The following FRY variants were observed in gnomAD, a reference collection of about 807,000 sequenced individuals.
The protein encoded by FRY is FRY microtubule binding protein, also known as protein furry homolog.
In FRY, 128 loss-of-function variants were observed where a neutral mutation model predicts 348.4. That is an observed-to-expected ratio of 0.37 (90% CI 0.32 to 0.43). FRY has a LOEUF of 0.43. Ranked by LOEUF, FRY falls within the 20% of genes least tolerant of loss-of-function variation. FRY has a pLI of 1.00. For synonymous variants in FRY, 1,370 were observed against 1,374.7 expected (o/e 1.00, Z 0.08); for missense variants, 2,736 against 3,695.2 (o/e 0.74, Z 6.73).
At chr13:32,124,925 G>A in intron 7 of FRY, 50 bp downstream of exon 7, 1 of 1,320,922 alleles carries the variant, frequency 7.6e-7, no homozygotes, top group Non-Finnish European at 1.1e-6. Flanking sequence ...TGCTTTCACT[G>A]TCCTTCCAGC....
chr13:32,271,929 G>A (rs1888224053), intron 55 of FRY, among the ~76,000 whole-genome samples: 1 of 151,910 alleles, frequency 6.6e-6, no homozygotes, highest in Non-Finnish European at 1.5e-5. Context: ...GGCCCTGGGG[G>A]GACTCATTTG....
intron 24 of FRY, 75 bp from the exon 25 acceptor site, chr13:32,184,525 T>A: frequency 1.1e-6 from 1 of 884,632 alleles, no homozygotes; most frequent in Non-Finnish European, 1.9e-6. Flanking sequence ...ATGCCTTTTG[T>A]TAATACCATT....
chr13:32,189,574 G>A (rs1883212302), intron 28 of FRY, among the ~76,000 whole-genome samples: 1 of 151,824 alleles, frequency 6.6e-6, no homozygotes. Context: ...ACCAAAAGTT[G>A]AATTTGTTAC....
intron 1 of FRY, among the ~76,000 whole-genome samples, chr13:32,034,982 T>G (rs1441650802): frequency 6.6e-6 from 1 of 152,374 alleles, no homozygotes; most frequent in African/African-American, 2.4e-5. Flanking sequence ...AGTTAAGTAA[T>G]CACTCTCAGT....
chr13:32,237,235 A>T lies in FRY; in HGVS notation c.5811-144A>T. Reference sequence around the variant, plus strand: ...CTCTTGTTTTGTTTTTTATAGCTTTAAAGATAAGGAAAAATAAATGAATAG... The same window carrying T: ...CTCTTGTTTTGTTTTTTATAGCTTTTAAGATAAGGAAAAATAAATGAATAG... On this transcript the variant is annotated intron_variant, in intron 43 of 60. Coordinates refer to ENST00000542859, the MANE Select transcript of FRY (RefSeq NM_023037.3). This position sits in a 1 kb window ranked among gnomAD's most constrained non-coding sequence, Gnocchi z 6.3. The T allele has an allele frequency of 2.4e-6, 2 of 837,294 alleles. No individual in the cohort carries two copies. The highest frequency in any genetic ancestry group is 3.8e-6 in the Non-Finnish European group (2 of 532,180). The allele number at this position is 837,294 out of a possible 1,614,324, so 51.9% of individuals were successfully genotyped here.
intron 59 of FRY, 27 bp from the exon 60 acceptor site, chr13:32,294,341 G>GT: frequency 6.4e-7 from 1 of 1,554,118 alleles, no homozygotes; most frequent in Non-Finnish European, 8.9e-7. Context: ...CCTAAATATA[G>GT]TTTAAAAAAC....
At chr13:32,204,998 T>C (rs1422124995) in intron 31 of FRY, among the ~76,000 whole-genome samples, 1 of 151,688 alleles carries the variant, frequency 6.6e-6, no homozygotes, top group South Asian at 2.1e-4. Flanking sequence ...AGGCCAGGAG[T>C]TCGAGACCAG....
At position 32,203,750 on chromosome 13, in the gene FRY, T is replaced by G. The variant is rs572863940; in HGVS notation, c.4018+1223T>G. On this transcript the variant is annotated intron_variant, in intron 31 of 60. Coordinates refer to ENST00000542859, the MANE Select transcript of FRY (RefSeq NM_023037.3). ...AAAAAAAATGCATTTGTCACCTAAC[T>G]TCTTGCCTAAGCTTACGTAGCACTT... is the stretch of plus-strand genomic sequence containing the variant. 5.9e-5 allele frequency among the ~76,000 whole-genome samples: 9 copies of G among 152,168 alleles called. No individual in the cohort carries two copies. The South Asian group carries it at 1.9e-3, about 32-fold the overall frequency.
chr13:32,285,700 C>T (rs971679932), intron 58 of FRY, among the ~76,000 whole-genome samples: 1 of 152,228 alleles, frequency 6.6e-6, no homozygotes, highest in Non-Finnish European at 1.5e-5. Context: ...TCATTTCACA[C>T]TTCTGAAAAG....
In FRY at chr13:32,135,174, G is replaced by A; in HGVS notation, c.1068G>A (p.Lys356=). 2 of 1,596,274 alleles carry A rather than the reference G, an allele frequency of 1.3e-6. No homozygotes were observed. The highest frequency in any genetic ancestry group is 1.7e-6 in the Non-Finnish European group (2 of 1,163,752). The change falls in exon 10 of 61, where the codon AAG becomes AAA. Residue 356 remains lysine (K), a synonymous_variant. Transcript: ENST00000542859. ...CGCTGGAACTTTCTTCTCGAAAGAA[G>A]CATTCCTTGGTTAGTAACTATGAGA... is the stretch of plus-strand genomic sequence containing the variant. The part of the protein sequence containing the change: ...DTTLELSSRK[K]HSLALYPLVT...
intron 39 of FRY, 40 bp from the exon 40 acceptor site, chr13:32,228,413 ACAC>A: frequency 1.4e-6 from 2 of 1,423,556 alleles, no homozygotes; most frequent in South Asian, 2.3e-5. Context: ...GCTGACAAGC[ACAC>A]TGCCTAGTAC....
At chr13:32,225,630 C>G (rs957382725) in intron 38 of FRY, among the ~76,000 whole-genome samples, 159 bp from the exon 39 acceptor site, 6 of 152,298 alleles carry the variant, frequency 3.9e-5, no homozygotes, top group African/African-American at 1.4e-4. Flanking sequence ...TTTATTTTTC[C>G]TAAGCCCAAC....
chr13:32,071,742 A>T (rs1227203907), intron 1 of FRY, among the ~76,000 whole-genome samples: 1 of 152,132 alleles, frequency 6.6e-6, no homozygotes, highest in African/African-American at 2.4e-5. Flanking sequence ...GGAAATTGGG[A>T]GTTGCTAATC....
At chr13:32,186,755 T>A (rs1014285758) in intron 27 of FRY, among the ~76,000 whole-genome samples, 2 of 152,148 alleles carry the variant, frequency 1.3e-5, no homozygotes, top group African/African-American at 2.4e-5. Context: ...CTTTTTAATC[T>A]CCTTCTATCC....
chr13:32,037,575 A>C (rs1872578696), intron 1 of FRY, among the ~76,000 whole-genome samples: 1 of 152,200 alleles, frequency 6.6e-6, no homozygotes. Flanking sequence ...CTGCTTGATG[A>C]AGTCCCAACA....
intron 17 of FRY, among the ~76,000 whole-genome samples, chr13:32,164,233 C>T (rs1255566048): frequency 6.6e-6 from 1 of 152,204 alleles, no homozygotes; most frequent in Non-Finnish European, 1.5e-5. Flanking sequence ...CAGTTGCCTT[C>T]GGATTCAATT....
intron 58 of FRY, among the ~76,000 whole-genome samples, chr13:32,287,384 A>G (rs1889131214): frequency 6.6e-6 from 1 of 152,224 alleles, no homozygotes; most frequent in Admixed American, 6.5e-5. Context: ...TTCAATGTTA[A>G]TTGGAAGGTC....
intron 59 of FRY, among the ~76,000 whole-genome samples, chr13:32,290,599 A>G (rs1338305650): frequency 1.3e-5 from 2 of 152,204 alleles, no homozygotes; most frequent in African/African-American, 4.8e-5. Context: ...AGGCGAGATC[A>G]TAAGACATGC....
intron 55 of FRY, among the ~76,000 whole-genome samples, chr13:32,274,434 G>T (rs1164701551): frequency 1.3e-5 from 2 of 152,060 alleles, no homozygotes; most frequent in Non-Finnish European, 2.9e-5. Flanking sequence ...AGGGCCAGAC[G>T]CAGTGGCTCA....
Sources: gnomAD v4.1 joint callset for allele counts (sites outside exome capture counted in the v4.1 genomes callset) on GRCh38, gnomAD v4.1.1 for gene constraint, Gnocchi (gnomAD v3.1) non-coding constraint, MANE v1.5 for transcripts, NCBI Gene and HGNC (gene_info 2026-07-23, HGNC 2026-07-21) for gene names.